Variants in MME observed in about 807,000 individuals in gnomAD.
MME encodes membrane metalloendopeptidase.
A neutral mutation model predicts 113.2 loss-of-function variants in MME; 98 were observed. That is an observed-to-expected ratio of 0.87 (90% CI 0.74 to 1.02). The LOEUF is 1.02. MME is among the 50% of genes least tolerant of loss of function. MME has a pLI of 0.00. For synonymous variants in MME, 292 were observed against 300.6 expected (o/e 0.97, Z 0.30); for missense variants, 836 against 896.0 (o/e 0.93, Z 0.86).
At chr3:155,176,646 T>C (rs1194370662) in intron 22 of MME, among the ~76,000 whole-genome samples, 1 of 152,028 alleles carries the variant, frequency 6.6e-6, no homozygotes, top group Non-Finnish European at 1.5e-5. Context: ...GGTGACATAG[T>C]GGGACCTCGT....
At chr3:155,064,107 A>G (rs1192596104) in intron 1 of MME, among the ~76,000 whole-genome samples, 1 of 152,052 alleles carries the variant, frequency 6.6e-6, no homozygotes, top group East Asian at 1.9e-4. Context: ...CCTGGCCAAC[A>G]TGGCAAACTC....
intron 3 of MME, among the ~76,000 whole-genome samples, chr3:155,108,256 A>G (rs1717862645): frequency 6.6e-6 from 1 of 152,198 alleles, no homozygotes; most frequent in African/African-American, 2.4e-5. Flanking sequence ...GAAATAATTC[A>G]TATGGGAAAC....
chr3:155,141,916 C>T, intron 10 of MME, 75 bp from the exon 11 acceptor site: 1 of 1,533,506 alleles, frequency 6.5e-7, no homozygotes, highest in Non-Finnish European at 9.0e-7. Flanking sequence ...ATCCAACCCT[C>T]TAACTATAAC....
chr3:155,107,058 G>A (rs1717746346), intron 3 of MME, among the ~76,000 whole-genome samples: 1 of 152,184 alleles, frequency 6.6e-6, no homozygotes, highest in African/African-American at 2.4e-5. Context: ...TGCAGATTAA[G>A]AATAGTCAAT....
chr3:155,126,535 C>A (rs149076347), intron 8 of MME, among the ~76,000 whole-genome samples: 1 of 151,756 alleles, frequency 6.6e-6, no homozygotes. Flanking sequence ...TTTTGTTTAA[C>A]CTGTAGTGTT....
intron 1 of MME, among the ~76,000 whole-genome samples, chr3:155,060,856 A>AGT (rs1479695125): frequency 6.6e-6 from 1 of 150,596 alleles, no homozygotes; most frequent in African/African-American, 2.5e-5. Flanking sequence ...AGAGAGAGAG[A>AGT]GAGTGAGAGA....
chr3:155,163,946 A>C (rs1446593609), intron 17 of MME, among the ~76,000 whole-genome samples: 1 of 152,024 alleles, frequency 6.6e-6, no homozygotes, highest in Non-Finnish European at 1.5e-5. Flanking sequence ...AGTTGATACC[A>C]GCCTGGGCAA....
At chr3:155,145,143 T>C (rs527573168) in intron 14 of MME, among the ~76,000 whole-genome samples, 6 of 152,316 alleles carry the variant, frequency 3.9e-5, no homozygotes, top group African/African-American at 1.2e-4. Flanking sequence ...GGGTTAGGCC[T>C]AGAACCTCTG....
intron 8 of MME, among the ~76,000 whole-genome samples, chr3:155,134,940 G>A (rs1720505627): frequency 2.6e-5 from 4 of 152,036 alleles, no homozygotes; most frequent in Admixed American, 6.6e-5. Context: ...GTTTTCTTTT[G>A]AGAAGTGTCT....
intron 3 of MME, among the ~76,000 whole-genome samples, chr3:155,100,981 G>A (rs1484499881): frequency 6.6e-6 from 1 of 152,160 alleles, no homozygotes; most frequent in African/African-American, 2.4e-5. Context: ...CTGGTGGGAG[G>A]TATTTGGATC....
chr3:155,110,051 G>T (rs1718057970), intron 3 of MME, among the ~76,000 whole-genome samples: 1 of 152,226 alleles, frequency 6.6e-6, no homozygotes, highest in African/African-American at 2.4e-5. Flanking sequence ...GTCCCAACAA[G>T]AATTGTTGGT....
At chr3:155,046,072 G>T (rs1182429663) in intron 1 of MME, among the ~76,000 whole-genome samples, 1 of 152,060 alleles carries the variant, frequency 6.6e-6, no homozygotes, top group Non-Finnish European at 1.5e-5. Flanking sequence ...TAGCTTTTGT[G>T]CCTCTATCTC....
chr3:155,156,268 C>T (rs1722299270), intron 16 of MME, among the ~76,000 whole-genome samples: 1 of 152,134 alleles, frequency 6.6e-6, no homozygotes, highest in Non-Finnish European at 1.5e-5. Flanking sequence ...ATAATGACTT[C>T]ACTTTTGTCC....
intron 3 of MME, among the ~76,000 whole-genome samples, chr3:155,103,936 G>A (rs546575386): frequency 6.6e-6 from 1 of 152,156 alleles, no homozygotes; most frequent in Non-Finnish European, 1.5e-5. Flanking sequence ...TTACCTCTAG[G>A]TTAGGAGGAG....
At chr3:155,040,874 G>GA (rs1323006332) in intron 1 of MME, among the ~76,000 whole-genome samples, 2 of 152,036 alleles carry the variant, frequency 1.3e-5, no homozygotes, top group African/African-American at 4.8e-5. Context: ...TTATATTTGA[G>GA]AAAAAAGTCA....
At chr3:155,025,697 T>C (rs1292480324) in intron 1 of MME, among the ~76,000 whole-genome samples, 4 of 135,268 alleles carry the variant, frequency 3.0e-5, no homozygotes, top group South Asian at 2.5e-4. Context: ...TTCTTTTTTT[T>C]TTTTTTTTTT....
At chr3:155,107,211 G>A (rs1327990618) in intron 3 of MME, among the ~76,000 whole-genome samples, 2 of 152,144 alleles carry the variant, frequency 1.3e-5, no homozygotes, top group South Asian at 2.1e-4. Context: ...AAATTAGCCT[G>A]GCGTGGCAGT....
intron 20 of MME, among the ~76,000 whole-genome samples, chr3:155,169,458 G>A (rs2108368541): frequency 6.6e-6 from 1 of 152,248 alleles, no homozygotes; most frequent in Admixed American, 6.5e-5. Flanking sequence ...TGGAGATAAA[G>A]CAATGAATGC....
At chr3:155,081,169 T>A (rs1715110202) in intron 1 of MME, 1 of 152,210 alleles carries the variant, frequency 6.6e-6, no homozygotes, top group Non-Finnish European at 1.5e-5. Flanking sequence ...TAGAACAAAC[T>A]GTAATTGCAT....
Sources: gnomAD v4.1 joint callset for allele counts (sites outside exome capture counted in the v4.1 genomes callset) on GRCh38, gnomAD v4.1.1 for gene constraint, MANE v1.5 for transcripts, NCBI Gene and HGNC (gene_info 2026-07-23, HGNC 2026-07-21) for gene names.